The following SMARCB1 variants were observed in gnomAD, a reference collection of about 807,000 sequenced individuals.
The protein encoded by SMARCB1 is SWI/SNF related BAF chromatin remodeling complex subunit B1, also known as SWI/SNF-related matrix-associated actin-dependent regulator of chromatin subfamily B member 1.
Under a neutral mutation model 49.0 loss-of-function variants are expected in SMARCB1, and 5 were observed. The observed-to-expected ratio is 0.10, with a 90% confidence interval of 0.05 to 0.21. SMARCB1 has a LOEUF of 0.21. Ranked by LOEUF, SMARCB1 falls within the 10% of genes least tolerant of loss-of-function variation. The probability of loss-of-function intolerance (pLI) is 1.00; values close to 1 mark genes in which losing one functional copy is unlikely to be tolerated. For missense variants in SMARCB1, 226 were observed against 509.2 expected, an observed-to-expected ratio of 0.44 and a Z score of 5.35; for synonymous variants, 201 against 200.1, an observed-to-expected ratio of 1.00 and a Z score of -0.04.
chr22:23,793,748 A>G (rs2145964936), intron 3 of SMARCB1, 60 bp downstream of exon 3: 10 of 1,545,520 alleles, frequency 6.5e-6, no homozygotes, highest in East Asian at 2.2e-5. Context: ...TCTGAGACTC[A>G]AGAACTGGTT....
In SMARCB1 at chr22:23,825,483, G is replaced by T; in HGVS notation, c.986+68G>T. On this transcript the variant is annotated intron_variant, in intron 7 of 8. Coordinates refer to ENST00000644036, the MANE Select transcript of SMARCB1 (RefSeq NM_003073.5). ...AAACTGTTTTGAGAAAGACTTCTCT[G>T]TGTGAGCGGTGATACCTTTGAGGCT... 4 of 1,371,450 alleles carry T rather than the reference G, an allele frequency of 2.9e-6. No individual in the cohort carries two copies. The South Asian group carries it at 4.9e-5, about 17-fold the overall frequency. The allele number at this position is 1,371,450 out of a possible 1,614,324, so 85.0% of individuals were successfully genotyped here.
rs578075241 is a variant in SMARCB1 at position 23,834,302 on chromosome 22, G to A, written c.*122G>A. The A allele has an allele frequency of 2.7e-6, 3 of 1,098,508 alleles. No homozygotes were observed. The highest frequency in any genetic ancestry group is 2.6e-5 in the East Asian group (1 of 38,822). 68.0% of individuals were successfully genotyped at this position (1,098,508 alleles called of 1,614,324 possible). On this transcript the variant is annotated 3_prime_UTR_variant, in exon 9 of 9. Transcript: ENST00000644036. Reference sequence around the variant, plus strand: ...GCGCCATCCTGAGGATCGGGTGGGGGTGGAGTGGGGGCTTCCAGGTGGCCC... The same window carrying A: ...GCGCCATCCTGAGGATCGGGTGGGGATGGAGTGGGGGCTTCCAGGTGGCCC...
intron 5 of SMARCB1, among the ~76,000 whole-genome samples, chr22:23,805,558 T>A (rs11912758): frequency 0.13 from 19,175 of 152,230 alleles, 1,302 homozygotes; most frequent in South Asian, 0.28. Flanking sequence ...CAGGCTGGTG[T>A]GCAATGGCGT....
At chr22:23,825,060 A>G in intron 6 of SMARCB1, 165 bp from the exon 7 acceptor site, 1 of 662,758 alleles carries the variant, frequency 1.5e-6, no homozygotes, top group Non-Finnish European at 2.7e-6. Flanking sequence ...TTGTGGGGTC[A>G]GCCTTGTTTT....
chr22:23,791,432 A>G (rs1312560620), intron 1 of SMARCB1, among the ~76,000 whole-genome samples: 1 of 152,248 alleles, frequency 6.6e-6, no homozygotes, highest in African/African-American at 2.4e-5. Flanking sequence ...GAGGCCTTGC[A>G]TTTCTGGAAA....
intron 5 of SMARCB1, among the ~76,000 whole-genome samples, chr22:23,813,856 G>A (rs970938972): frequency 6.6e-6 from 1 of 152,088 alleles, no homozygotes; most frequent in Admixed American, 6.6e-5. Flanking sequence ...TTGAGATGGA[G>A]TTTTGCTCTT....
intron 5 of SMARCB1, among the ~76,000 whole-genome samples, chr22:23,813,238 G>C (rs543891105): frequency 3.3e-4 from 50 of 152,318 alleles, no homozygotes; most frequent in Non-Finnish European, 5.9e-4. Context: ...AAATATGTCT[G>C]CTGTCACTAT....
intron 6 of SMARCB1, among the ~76,000 whole-genome samples, chr22:23,819,780 G>A (rs949122557): frequency 6.8e-6 from 1 of 147,008 alleles, no homozygotes; most frequent in African/African-American, 2.5e-5. Context: ...CCAGCAAGGC[G>A]CAGGGGTTCC....
At chr22:23,797,004 T>C (rs981626891) in intron 3 of SMARCB1, among the ~76,000 whole-genome samples, 4 of 149,990 alleles carry the variant, frequency 2.7e-5, no homozygotes, top group Non-Finnish European at 5.9e-5. Flanking sequence ...GTTTTTCTTT[T>C]TTTTTTTTTT....
chr22:23,822,604 A>G (rs2030151112), intron 6 of SMARCB1, among the ~76,000 whole-genome samples: 1 of 152,166 alleles, frequency 6.6e-6, no homozygotes, highest in African/African-American at 2.4e-5. Flanking sequence ...AGCCTGTCCA[A>G]AGGCCTCAGG....
intron 6 of SMARCB1, among the ~76,000 whole-genome samples, chr22:23,822,467 C>T (rs1367069612): frequency 6.6e-6 from 1 of 152,120 alleles, no homozygotes; most frequent in African/African-American, 2.4e-5. Context: ...CCCACCAAGG[C>T]CACTGCCAGA....
At chr22:23,808,551 C>T (rs528282695) in intron 5 of SMARCB1, among the ~76,000 whole-genome samples, 71 of 152,018 alleles carry the variant, frequency 4.7e-4, no homozygotes, top group African/African-American at 1.5e-3. Context: ...CCACTGCGCC[C>T]GGCCAAATGA....
At chr22:23,800,166 T>C (rs1028528728) in intron 3 of SMARCB1, among the ~76,000 whole-genome samples, 3 of 152,252 alleles carry the variant, frequency 2.0e-5, no homozygotes, top group Admixed American at 1.3e-4. Flanking sequence ...TCTGCCCATC[T>C]TGACCTTCCA....
intron 7 of SMARCB1, among the ~76,000 whole-genome samples, chr22:23,830,255 CCAT>C (rs1267380311): frequency 6.6e-6 from 1 of 152,222 alleles, no homozygotes; most frequent in Non-Finnish European, 1.5e-5. Context: ...AGTGGCTGCA[CCAT>C]TTTGCATTCC....
At chr22:23,811,004 T>C (rs1250724756) in intron 5 of SMARCB1, among the ~76,000 whole-genome samples, 1 of 142,602 alleles carries the variant, frequency 7.0e-6, no homozygotes, top group African/African-American at 2.7e-5. Context: ...ACCATTGCAC[T>C]CCAGCCTGGG....
chr22:23,804,642 C>G (rs998341669), intron 5 of SMARCB1, among the ~76,000 whole-genome samples: 3 of 152,210 alleles, frequency 2.0e-5, no homozygotes, highest in African/African-American at 7.2e-5. Context: ...CTCCTAAGTT[C>G]AAGCGATTCT....
chr22:23,831,531 A>C (rs17003983), intron 7 of SMARCB1, among the ~76,000 whole-genome samples: 45 of 152,056 alleles, frequency 3.0e-4, no homozygotes, highest in Non-Finnish European at 5.6e-4. Context: ...CAGCATCTCC[A>C]TGCCCACATG....
At chr22:23,787,926 G>C (rs1384134678) in intron 1 of SMARCB1, among the ~76,000 whole-genome samples, 2 of 152,206 alleles carry the variant, frequency 1.3e-5, no homozygotes, top group African/African-American at 2.4e-5. Flanking sequence ...AGAGCCTAAG[G>C]ATGTTTAACC....
chr22:23,835,375 G>C lies in SMARCB1; in HGVS notation c.*1195G>C. 3.0e-6 allele frequency: 3 copies of C among 990,268 alleles called. No individual in the cohort carries two copies. Among genetic ancestry groups the C allele is most frequent in the Non-Finnish European group, 3.6e-6 (3 of 833,442 alleles). The allele number at this position is 990,268 out of a possible 1,614,324, so 61.3% of individuals were successfully genotyped here. A position where few individuals can be genotyped will look rare whatever the true frequency, so the allele number is the denominator to read the frequency against. ...AGACTGCTGCCACCCTCAGCTGTTG[G>C]CAGGTCCCATGCTGCCAGGGCAGGG... On this transcript the variant is annotated 3_prime_UTR_variant, in exon 9 of 9. Coordinates refer to ENST00000644036, the MANE Select transcript of SMARCB1 (RefSeq NM_003073.5).
Sources: gnomAD v4.1 joint callset for allele counts (sites outside exome capture counted in the v4.1 genomes callset) on GRCh38, gnomAD v4.1.1 for gene constraint, MANE v1.5 for transcripts, NCBI Gene and HGNC (gene_info 2026-07-23, HGNC 2026-07-21) for gene names.